The following GSG1L variants were observed in gnomAD, a reference collection of about 807,000 sequenced individuals.
The protein encoded by GSG1L is germ cell-specific gene 1-like protein.
In GSG1L, 24 loss-of-function variants were observed where a neutral mutation model predicts 42.1. The ratio of observed to expected loss-of-function variants is 0.57; its 90% CI spans 0.41 to 0.80. The LOEUF (loss-of-function observed/expected upper bound fraction) is 0.80. Ranked by LOEUF, GSG1L falls within the 30% of genes least tolerant of loss-of-function variation. The probability of loss-of-function intolerance (pLI) is 0.00; values close to 1 mark genes in which losing one functional copy is unlikely to be tolerated. For synonymous variants in GSG1L, 215 were observed against 203.5 expected (o/e 1.06, Z -0.48); for missense variants, 445 against 472.2 (o/e 0.94, Z 0.53).
rs966411950 is a variant in GSG1L, at chr16:27,822,850, C to T, written c.830+5939G>A. On this transcript the variant is annotated intron_variant, in intron 5 of 6. Coordinates refer to ENST00000447459, the MANE Select transcript of GSG1L (RefSeq NM_001109763.2). The stretch of plus-strand genomic sequence containing the variant: ...CACCGAAATGGGCCAGACATAAACA[C>T]GAAAATAAATAAACAAGTAATTTCA... 2.6e-5 allele frequency among the ~76,000 whole-genome samples: 4 copies of T among 152,222 alleles called. No individual in the cohort carries two copies. The South Asian group carries it at 6.2e-4, about 24-fold the overall frequency.
chr16:27,987,245 G>A (rs1596677310), intron 1 of GSG1L, among the ~76,000 whole-genome samples: 1 of 151,418 alleles, frequency 6.6e-6, no homozygotes, highest in South Asian at 2.1e-4. Context: ...TTTTTAAATT[G>A]TTCATAAAAT....
At chr16:27,876,182 C>T (rs781171955) in intron 3 of GSG1L, among the ~76,000 whole-genome samples, 1 of 152,136 alleles carries the variant, frequency 6.6e-6, no homozygotes, top group Admixed American at 6.5e-5. Context: ...CCAAGTCTGC[C>T]AGGCCAGGGA....
In GSG1L at chr16:28,040,289, G is replaced by A. The variant is rs552537899; in HGVS notation, c.349+22787C>T. Among the ~76,000 whole-genome samples the A allele has an allele frequency of 4.6e-5, 7 of 152,232 alleles. No individual in the cohort carries two copies. The South Asian group carries it at 1.2e-3, about 27-fold the overall frequency. On this transcript the variant is annotated intron_variant, in intron 1 of 6. Transcript: ENST00000447459. The surrounding 1 kb of genome is among the most constrained non-coding windows in gnomAD (Gnocchi z 4.1). Reference sequence around the variant, plus strand: ...CTCTTTCTCCAGATCTCCACAGGGAGGCTCCTTTTTGACATTCCATTCTCA... The same window carrying A: ...CTCTTTCTCCAGATCTCCACAGGGAAGCTCCTTTTTGACATTCCATTCTCA...
intron 1 of GSG1L, among the ~76,000 whole-genome samples, chr16:27,977,498 T>A (rs1487948974): frequency 1.5e-5 from 2 of 137,596 alleles, no homozygotes; most frequent in Non-Finnish European, 3.0e-5. Flanking sequence ...AGGCGGAGGT[T>A]GCAGTGAGCC....
chr16:27,950,650 T>A (rs767258731), intron 2 of GSG1L, among the ~76,000 whole-genome samples: 65 of 152,118 alleles, frequency 4.3e-4, no homozygotes, highest in Non-Finnish European at 8.4e-4. Flanking sequence ...AGGCTGAGCC[T>A]GACTCTGACC....
intron 2 of GSG1L, among the ~76,000 whole-genome samples, chr16:27,930,067 A>C (rs1054315516): frequency 6.6e-6 from 1 of 152,046 alleles, no homozygotes; most frequent in African/African-American, 2.4e-5. Context: ...CCTTTTGGCC[A>C]GGGCTGGCAC....
At chr16:27,849,197 CAAAAAGAAAAAAAA>C (rs1229243045) in intron 3 of GSG1L, among the ~76,000 whole-genome samples, 4 of 113,628 alleles carry the variant, frequency 3.5e-5, no homozygotes, top group African/African-American at 1.3e-4. Flanking sequence ...GCCTCTATCC[CAAAAAGAAAAAAAA>C]AAAAAAAAAA....
intron 1 of GSG1L, among the ~76,000 whole-genome samples, chr16:28,027,383 C>A (rs1202103067): frequency 6.6e-6 from 1 of 152,166 alleles, no homozygotes; most frequent in Non-Finnish European, 1.5e-5. Flanking sequence ...GAAAGCAGCT[C>A]TCTTCCCTCT....
intron 2 of GSG1L, among the ~76,000 whole-genome samples, chr16:27,912,633 C>T (rs1040653854): frequency 6.6e-6 from 1 of 152,188 alleles, no homozygotes; most frequent in Non-Finnish European, 1.5e-5. Context: ...AGATAGCAAA[C>T]GCTGGTGAGA....
At chr16:27,826,291 C>T (rs1310490830) in intron 5 of GSG1L, among the ~76,000 whole-genome samples, 2 of 152,116 alleles carry the variant, frequency 1.3e-5, no homozygotes, top group African/African-American at 2.4e-5. Context: ...TCACCCCATG[C>T]GCTGCCATGC....
intron 2 of GSG1L, among the ~76,000 whole-genome samples, chr16:27,901,814 G>A (rs957718955): frequency 6.6e-6 from 1 of 152,196 alleles, no homozygotes; most frequent in African/African-American, 2.4e-5. Flanking sequence ...CTACCAGATT[G>A]TCAGACCACT....
At chr16:28,035,499 C>T (rs2086023511) in intron 1 of GSG1L, among the ~76,000 whole-genome samples, 1 of 152,160 alleles carries the variant, frequency 6.6e-6, no homozygotes, top group South Asian at 2.1e-4. Context: ...GATTTTATAG[C>T]ACACATGTAC....
chr16:27,936,351 C>T (rs1549269), intron 2 of GSG1L, among the ~76,000 whole-genome samples: 29,584 of 152,088 alleles, frequency 0.19, 3,413 homozygotes, highest in Non-Finnish European at 0.26. Flanking sequence ...GAGGACTCCT[C>T]ATGAATAGAT....
intron 1 of GSG1L, among the ~76,000 whole-genome samples, chr16:28,019,618 C>G (rs999775108): frequency 6.6e-6 from 1 of 152,188 alleles, no homozygotes; most frequent in Non-Finnish European, 1.5e-5. Flanking sequence ...GCACAAGATC[C>G]AAGAACCCTC....
chr16:27,827,452 G>A (rs937390556), intron 5 of GSG1L, among the ~76,000 whole-genome samples: 1 of 152,176 alleles, frequency 6.6e-6, no homozygotes, highest in Non-Finnish European at 1.5e-5. Flanking sequence ...AGCAGACCCT[G>A]ACAGCCCAGA....
In GSG1L at chr16:27,828,925, C is replaced by G. The variant is rs1596540042; in HGVS notation, c.694G>C (p.Ala232Pro). 1.2e-6 allele frequency: 2 copies of G among 1,614,132 alleles called. No individual in the cohort carries two copies. The highest frequency in any genetic ancestry group is 1.7e-6 in the Non-Finnish European group (2 of 1,180,000). The change falls in exon 5 of 7, where the codon GCA becomes CCA. Residue 232 changes from alanine to proline, a missense_variant. By Grantham distance (27) the Ala-to-Pro change is conservative. Around this residue, in one of 3 missense-constraint regions of GSG1L, gnomAD observed 149 missense variants for 223.3 expected, o/e 0.67. Transcript: ENST00000447459. ...LAWGSFTCCM[A>P]ASVTTLNSYT... ...GAGTTGAGCGTGGTGACAGAGGCTG[C>G]CATGCAGCAGGTAAAGGAGCCCCAC...
chr16:27,811,577 C>T (rs535758910), intron 5 of GSG1L, among the ~76,000 whole-genome samples: 13 of 152,350 alleles, frequency 8.5e-5, no homozygotes, highest in African/African-American at 3.1e-4. Context: ...CCAGCATCCT[C>T]CTGCTTTTCA....
At chr16:27,857,489 C>A (rs1482094629) in intron 3 of GSG1L, among the ~76,000 whole-genome samples, 1 of 151,616 alleles carries the variant, frequency 6.6e-6, no homozygotes, top group Non-Finnish European at 1.5e-5. Context: ...CTCCTGTAAT[C>A]CCAGCATTTT....
rs111372406 is a variant in GSG1L, at chr16:27,953,653, C to A, written c.397+9503G>T. 6.6e-5 allele frequency among the ~76,000 whole-genome samples: 10 copies of A among 152,196 alleles called. 1 individual carries two copies. The highest frequency in any genetic ancestry group is 5.9e-4 in the Admixed American group (9 of 15,286). On this transcript the variant is annotated intron_variant, in intron 2 of 6. Transcript: ENST00000447459. ...CAGCACTTTGGGAGGCCAAGGTGGGCAGATCACTTGAGGTCAGGAGTTCAA... is the reference window on the plus strand; with the variant it reads ...CAGCACTTTGGGAGGCCAAGGTGGGAAGATCACTTGAGGTCAGGAGTTCAA...
Sources: allele counts gnomAD v4.1 joint callset (sites outside exome capture counted in the v4.1 genomes callset), GRCh38; gene constraint gnomAD v4.1.1; regional missense constraint gnomAD v4.1.1; non-coding constraint Gnocchi (gnomAD v3.1); transcripts MANE v1.5; gene names NCBI Gene and HGNC (gene_info 2026-07-23, HGNC 2026-07-21).